SLC9A9: variants seen among roughly 807,000 people sequenced by gnomAD.
The protein encoded by SLC9A9 is solute carrier family 9 member A9.
A neutral mutation model predicts 77.8 loss-of-function variants in SLC9A9; 62 were observed. The ratio of observed to expected loss-of-function variants is 0.80; its 90% CI spans 0.65 to 0.98. The LOEUF (loss-of-function observed/expected upper bound fraction) is 0.98. Ranked by LOEUF, SLC9A9 falls within the 50% of genes least tolerant of loss-of-function variation. SLC9A9 has a pLI of 0.00. For synonymous variants in SLC9A9, 320 were observed against 283.5 expected (o/e 1.13, Z -1.29); for missense variants, 775 against 774.9 (o/e 1.00, Z 0.00).
chr3:143,526,189 T>C (rs2036402974), intron 9 of SLC9A9, among the ~76,000 whole-genome samples: 1 of 152,224 alleles, frequency 6.6e-6, no homozygotes, highest in African/African-American at 2.4e-5. Context: ...CACAGTCACA[T>C]CTTCTTGTTT....
At chr3:143,319,320 A>G (rs1220852118) in intron 14 of SLC9A9, among the ~76,000 whole-genome samples, 1 of 152,160 alleles carries the variant, frequency 6.6e-6, no homozygotes, top group African/African-American at 2.4e-5. Context: ...GTCCTTTTTG[A>G]CCTTGGCAAA....
At chr3:143,404,925 G>A (rs911587478) in intron 12 of SLC9A9, among the ~76,000 whole-genome samples, 5 of 152,194 alleles carry the variant, frequency 3.3e-5, no homozygotes, top group African/African-American at 9.7e-5. Context: ...TTCAGTTCGT[G>A]TTATTTTGGT....
intron 12 of SLC9A9, among the ~76,000 whole-genome samples, chr3:143,415,442 T>C (rs1381288364): frequency 3.3e-5 from 5 of 152,224 alleles, no homozygotes; most frequent in African/African-American, 1.2e-4. Context: ...TTGATGCTGA[T>C]GGTCATTTGC....
At chr3:143,309,610 T>G (rs867668865) in intron 14 of SLC9A9, among the ~76,000 whole-genome samples, 1 of 152,190 alleles carries the variant, frequency 6.6e-6, no homozygotes, top group Non-Finnish European at 1.5e-5. Flanking sequence ...CTTCTCATGT[T>G]TCTGTACTCT....
chr3:143,503,447 C>T (rs543432501), intron 9 of SLC9A9: 10 of 356,616 alleles, frequency 2.8e-5, no homozygotes, highest in East Asian at 8.7e-5. Flanking sequence ...CTGGTGCTCA[C>T]GATGCCCAGG....
intron 9 of SLC9A9, among the ~76,000 whole-genome samples, chr3:143,529,041 G>A (rs893553602): frequency 2.0e-5 from 3 of 152,170 alleles, no homozygotes; most frequent in African/African-American, 4.8e-5. Context: ...GGACAGTGCC[G>A]GTGCCATGTG....
At chr3:143,320,898 G>A (rs996505631) in intron 14 of SLC9A9, among the ~76,000 whole-genome samples, 22 of 152,164 alleles carry the variant, frequency 1.4e-4, no homozygotes, top group Non-Finnish European at 4.4e-5. Flanking sequence ...TAAAAGAAGA[G>A]AGAAATTTGT....
intron 5 of SLC9A9, chr3:143,655,500 T>C: frequency 1.0e-6 from 1 of 985,472 alleles, no homozygotes; most frequent in South Asian, 4.7e-5. Context: ...TTACTTTAGT[T>C]CCACTCATCT....
chr3:143,795,600 C>T (rs2008363439), intron 3 of SLC9A9, among the ~76,000 whole-genome samples: 1 of 152,142 alleles, frequency 6.6e-6, no homozygotes, highest in Non-Finnish European at 1.5e-5. Context: ...TGGTGGGTGG[C>T]TCACGCCTGT....
intron 5 of SLC9A9, among the ~76,000 whole-genome samples, chr3:143,667,282 A>T (rs1230290346): frequency 3.3e-5 from 5 of 152,244 alleles, no homozygotes; most frequent in Non-Finnish European, 7.3e-5. Context: ...AGCCATATGT[A>T]GAAAGCTGAA....
intron 2 of SLC9A9, among the ~76,000 whole-genome samples, chr3:143,827,680 A>C (rs2108885887): frequency 6.6e-6 from 1 of 152,332 alleles, no homozygotes; most frequent in South Asian, 2.1e-4. Context: ...ATCTTCTAAG[A>C]GGCCATTACA....
intron 4 of SLC9A9, among the ~76,000 whole-genome samples, chr3:143,694,319 G>A (rs1321532827): frequency 1.3e-5 from 2 of 152,016 alleles, no homozygotes; most frequent in African/African-American, 4.8e-5. Flanking sequence ...TTAAATCCAG[G>A]CTCTACTATC....
At chr3:143,308,358 C>T (rs10935487) in intron 14 of SLC9A9, among the ~76,000 whole-genome samples, 26,895 of 151,992 alleles carry the variant, frequency 0.18, 2,689 homozygotes, top group Admixed American at 0.25. Context: ...GGGCGGATCA[C>T]GAGGCCAGGA....
At chr3:143,323,800 A>G (rs1042822063) in intron 14 of SLC9A9, among the ~76,000 whole-genome samples, 4 of 152,196 alleles carry the variant, frequency 2.6e-5, no homozygotes, top group African/African-American at 9.7e-5. Flanking sequence ...TAAAACCTAA[A>G]AAAAGATAAG....
chr3:143,615,829 G>A (rs552355760), intron 6 of SLC9A9, among the ~76,000 whole-genome samples: 1 of 151,962 alleles, frequency 6.6e-6, no homozygotes, highest in East Asian at 1.9e-4. Flanking sequence ...GCTGCACAGT[G>A]TAAATAACAA....
intron 6 of SLC9A9, among the ~76,000 whole-genome samples, chr3:143,606,436 C>CTCTCTATATA (rs1419410834): frequency 0.013 from 724 of 54,128 alleles, 6 homozygotes; most frequent in East Asian, 0.018. Context: ...CTCTCTCTCT[C>CTCTCTATATA]TATATATATA....
intron 4 of SLC9A9, among the ~76,000 whole-genome samples, chr3:143,698,924 T>A (rs1002797847): frequency 6.6e-6 from 1 of 152,234 alleles, no homozygotes; most frequent in African/African-American, 2.4e-5. Context: ...AGGATCTACA[T>A]GTGCTGGAAG....
Position 143,480,918 on chromosome 3 carries a change from A to C in SLC9A9, c.1315+12735T>G, listed in dbSNP as rs539158943. 7.2e-5 allele frequency among the ~76,000 whole-genome samples: 11 copies of C among 152,320 alleles called. No homozygotes were observed. The East Asian group carries it at 1.9e-3, about 27-fold the overall frequency. On this transcript the variant is annotated intron_variant, in intron 11 of 15. Coordinates refer to ENST00000316549, the MANE Select transcript of SLC9A9 (RefSeq NM_173653.4). ...CAAATGGGCTAAATCAAGGGAGGGA[A>C]GGAAAGAAAAGTCCAGCTTTTAGAG...
At chr3:143,479,016 A>T (rs1371974296) in intron 11 of SLC9A9, among the ~76,000 whole-genome samples, 1 of 152,202 alleles carries the variant, frequency 6.6e-6, no homozygotes, top group Admixed American at 6.5e-5. Flanking sequence ...GGTGACACAC[A>T]TTCTGGACTG....
Sources: allele counts gnomAD v4.1 joint callset (sites outside exome capture counted in the v4.1 genomes callset), GRCh38; gene constraint gnomAD v4.1.1; transcripts MANE v1.5; gene names NCBI Gene and HGNC (gene_info 2026-07-23, HGNC 2026-07-21).